The following EXOC4 variants were observed in gnomAD, a reference collection of about 807,000 sequenced individuals.
The protein encoded by EXOC4 is exocyst complex component 4, also known as SEC8-like 1.
EXOC4 carries 71 observed loss-of-function variants against 107.2 expected under a neutral mutation model. The observed-to-expected ratio is 0.66, with a 90% CI of 0.55 to 0.81. EXOC4 has a LOEUF of 0.81. Among genes scored for constraint, EXOC4 ranks in the 30% least tolerant of loss-of-function variants. The pLI is 0.00. For synonymous variants in EXOC4, 456 were observed against 441.2 expected (o/e 1.03, Z -0.42); for missense variants, 1,108 against 1,189.6 (o/e 0.93, Z 1.01).
At chr7:133,797,718 A>T (rs1467925617) in intron 10 of EXOC4, among the ~76,000 whole-genome samples, 1 of 152,162 alleles carries the variant, frequency 6.6e-6, no homozygotes, top group Non-Finnish European at 1.5e-5. Context: ...CCTCCATAGG[A>T]TTCCTGAAGT....
intron 5 of EXOC4, among the ~76,000 whole-genome samples, chr7:133,318,947 G>T (rs1795049371): frequency 6.6e-6 from 1 of 152,152 alleles, no homozygotes; most frequent in Admixed American, 6.5e-5. Flanking sequence ...CTGATGTAAT[G>T]TTGCTTTTGA....
intron 9 of EXOC4, among the ~76,000 whole-genome samples, chr7:133,571,259 T>C (rs938025311): frequency 1.3e-5 from 2 of 152,156 alleles, no homozygotes; most frequent in Non-Finnish European, 2.9e-5. Flanking sequence ...CCTTGTCTGA[T>C]CAAATGACAT....
chr7:133,827,800 A>G (rs1797734806), intron 11 of EXOC4, among the ~76,000 whole-genome samples: 1 of 152,222 alleles, frequency 6.6e-6, no homozygotes, highest in Non-Finnish European at 1.5e-5. Context: ...CCTTGGGTAG[A>G]GGAGTCATGA....
intron 9 of EXOC4, among the ~76,000 whole-genome samples, chr7:133,606,080 A>T (rs890992847): frequency 6.6e-6 from 1 of 152,202 alleles, no homozygotes; most frequent in Non-Finnish European, 1.5e-5. Context: ...GGAATTGTTC[A>T]TTGACTAAGA....
intron 10 of EXOC4, among the ~76,000 whole-genome samples, chr7:133,801,442 G>A (rs1156682949): frequency 6.6e-6 from 1 of 152,178 alleles, no homozygotes; most frequent in Admixed American, 6.5e-5. Context: ...GAAAGCCCTT[G>A]TGTTTTTCGC....
intron 14 of EXOC4, among the ~76,000 whole-genome samples, chr7:133,941,796 G>A (rs1053703747): frequency 3.8e-5 from 5 of 132,056 alleles, no homozygotes; most frequent in Admixed American, 1.5e-4. Context: ...CCAAAATATC[G>A]TCAGGTCCCA....
At chr7:133,330,844 C>T (rs1361363826) in intron 5 of EXOC4, among the ~76,000 whole-genome samples, 1 of 152,094 alleles carries the variant, frequency 6.6e-6, no homozygotes, top group Non-Finnish European at 1.5e-5. Flanking sequence ...CAGAAATCCC[C>T]CTTCTTCTGC....
intron 7 of EXOC4, among the ~76,000 whole-genome samples, chr7:133,413,619 TG>T (rs1797410603): frequency 6.6e-6 from 1 of 152,140 alleles, no homozygotes; most frequent in East Asian, 1.9e-4. Context: ...AGATTCCTTT[TG>T]GGGACTTATA....
At chr7:133,369,054 T>A (rs1320891338) in intron 6 of EXOC4, among the ~76,000 whole-genome samples, 2 of 152,234 alleles carry the variant, frequency 1.3e-5, no homozygotes, top group Non-Finnish European at 2.9e-5. Flanking sequence ...AGGGAATGAT[T>A]TCACTGGGGC....
intron 9 of EXOC4, among the ~76,000 whole-genome samples, chr7:133,605,332 A>G (rs1306391804): frequency 3.3e-5 from 5 of 152,150 alleles, no homozygotes; most frequent in Admixed American, 2.0e-4. Flanking sequence ...GAATTGTACA[A>G]TTATCACTAC....
At chr7:133,280,807 T>A (rs982224210) in intron 2 of EXOC4, among the ~76,000 whole-genome samples, 1 of 152,170 alleles carries the variant, frequency 6.6e-6, no homozygotes, top group African/African-American at 2.4e-5. Context: ...TATAAAAAAA[T>A]GTCCTAGTAG....
the EXOC4 span, among the ~76,000 whole-genome samples, chr7:134,094,063 A>T: frequency 4.6e-5 from 7 of 152,186 alleles, no homozygotes; most frequent in East Asian, 1.2e-3. Flanking sequence ...GAAAATAAAT[A>T]ACTAAAATCA....
intron 11 of EXOC4, among the ~76,000 whole-genome samples, chr7:133,852,542 A>G (rs558504389): frequency 6.6e-6 from 1 of 152,320 alleles, no homozygotes; most frequent in South Asian, 2.1e-4. Flanking sequence ...TTCAACACAT[A>G]TAGGTCTCTT....
chr7:133,555,014 G>C, intron 9 of EXOC4, among the ~76,000 whole-genome samples: 1 of 152,128 alleles, frequency 6.6e-6, no homozygotes, highest in Middle Eastern at 3.2e-3. Context: ...TGGAAAAATT[G>C]AATCTAGCCT....
chr7:133,519,209 G>C (rs1799936571), intron 9 of EXOC4, among the ~76,000 whole-genome samples: 1 of 152,020 alleles, frequency 6.6e-6, no homozygotes, highest in African/African-American at 2.4e-5. Flanking sequence ...GATTCCAGGA[G>C]TTTGAGACCA....
intron 11 of EXOC4, among the ~76,000 whole-genome samples, chr7:133,828,813 C>G (rs1259849789): frequency 6.6e-6 from 1 of 152,158 alleles, no homozygotes; most frequent in East Asian, 1.9e-4. Context: ...TATTGCTAGA[C>G]AAGGTGATGT....
chr7:133,483,962 T>A (rs1382601028), intron 9 of EXOC4: 1 of 1,504,024 alleles, frequency 6.6e-7, no homozygotes, highest in Non-Finnish European at 9.2e-7. Flanking sequence ...TTTTTGTTTC[T>A]TCTGTTAACA....
intron 5 of EXOC4, among the ~76,000 whole-genome samples, chr7:133,338,667 C>T (rs2150620923): frequency 6.9e-6 from 1 of 145,028 alleles, no homozygotes; most frequent in African/African-American, 2.5e-5. Context: ...TATTTGATTA[C>T]ATGTATAAAT....
chr7:133,362,210 T>A (rs1318163636), intron 6 of EXOC4, among the ~76,000 whole-genome samples: 1 of 152,222 alleles, frequency 6.6e-6, no homozygotes, highest in Admixed American at 6.5e-5. Context: ...ATAATAAAAT[T>A]TTCAACACTT....
Sources: allele counts gnomAD v4.1 joint callset (sites outside exome capture counted in the v4.1 genomes callset), GRCh38; gene constraint gnomAD v4.1.1; transcripts MANE v1.5; gene names NCBI Gene and HGNC (gene_info 2026-07-23, HGNC 2026-07-21).